VWC2: variants seen among roughly 807,000 people sequenced by gnomAD.
VWC2 encodes the protein brorin.
A neutral mutation model predicts 29.8 loss-of-function variants in VWC2; 14 were observed. The ratio of observed to expected loss-of-function variants is 0.47; its 90% CI spans 0.31 to 0.74. VWC2 has a LOEUF of 0.74. Among genes scored for constraint, VWC2 ranks in the 30% least tolerant of loss-of-function variants. The pLI is 0.05. For synonymous variants in VWC2, 213 were observed against 199.0 expected (o/e 1.07, Z -0.59); for missense variants, 457 against 459.8 (o/e 0.99, Z 0.05).
Position 49,775,622 on chromosome 7 carries a change from G to C in VWC2, c.187G>C (p.Gly63Arg), listed in dbSNP as rs911477728. 9.8e-6 allele frequency: 15 copies of C among 1,530,402 alleles called. No individual in the cohort carries two copies. The highest frequency in any genetic ancestry group is 4.2e-4 in the Middle Eastern group (2 of 4,756). The allele number at this position is 1,530,402 out of a possible 1,614,324, so 94.8% of individuals were successfully genotyped here. Residue 63 changes from glycine to arginine, a missense_variant, in exon 2 of 4, where the codon GGG (glycine) becomes CGG (arginine). Physicochemically the swap from Gly to Arg is moderately radical, Grantham distance 125 (BLOSUM62 -2). This residue lies in a region of VWC2 where 272 missense variants were observed against 202.7 expected (regional missense o/e 1.34). Transcript: ENST00000340652. ...CGGCCCGGGGCGGGTGAACGAGCTCGGGCGCCCGGCGAGGGACGAGGGCGG... is the reference window on the plus strand; with the variant it reads ...CGGCCCGGGGCGGGTGAACGAGCTCCGGCGCCCGGCGAGGGACGAGGGCGG... ...RDGPGRVNEL[G>R]RPARDEGGSG...
chr7:49,798,272 C>A (rs1334744490), intron 2 of VWC2, among the ~76,000 whole-genome samples: 1 of 152,232 alleles, frequency 6.6e-6, no homozygotes, highest in African/African-American at 2.4e-5. Context: ...AAATCTTTCA[C>A]CTCACTCCTA....
intron 3 of VWC2, among the ~76,000 whole-genome samples, chr7:49,877,003 G>A (rs553675831): frequency 6.6e-6 from 1 of 152,218 alleles, no homozygotes; most frequent in East Asian, 1.9e-4. Flanking sequence ...CCTTAGGACA[G>A]TCTTGGGGTG....
intron 3 of VWC2, among the ~76,000 whole-genome samples, chr7:49,818,834 T>C (rs1789205867): frequency 6.8e-6 from 1 of 146,396 alleles, no homozygotes; most frequent in Admixed American, 6.8e-5. Context: ...ATATATATAT[T>C]CAATATATAT....
intron 3 of VWC2, among the ~76,000 whole-genome samples, chr7:49,818,514 A>G (rs1270241907): frequency 6.6e-6 from 1 of 152,060 alleles, no homozygotes; most frequent in African/African-American, 2.4e-5. Flanking sequence ...TTCCTTGAAG[A>G]CCCTTGAGAG....
intron 3 of VWC2, among the ~76,000 whole-genome samples, chr7:49,879,030 C>T (rs1791562641): frequency 6.6e-6 from 1 of 152,140 alleles, no homozygotes; most frequent in Non-Finnish European, 1.5e-5. Flanking sequence ...AAATTTTTGT[C>T]TCTTTGTGCT....
chr7:49,878,258 A>C (rs1162697572), intron 3 of VWC2, among the ~76,000 whole-genome samples: 1 of 152,100 alleles, frequency 6.6e-6, no homozygotes, highest in African/African-American at 2.4e-5. Context: ...ATATGTTAAT[A>C]TTGTGGTTTT....
chr7:49,920,014 T>C lies in VWC2; in HGVS notation c.*7829T>C, dbSNP rs1562776248. 6.6e-6 allele frequency: 1 copy of C among 152,152 alleles called. No individual in the cohort carries two copies. Among genetic ancestry groups the C allele is most frequent in the South Asian group, 2.1e-4 (1 of 4,824 alleles). The allele number at this position is 152,152 out of a possible 1,614,324, so 9.4% of individuals were successfully genotyped here. ...TCTATTGAAGCCAAGAAAGTAAATG[T>C]CTTTAAAATAAACATAATGGTGTTT... On this transcript the variant is annotated 3_prime_UTR_variant, in exon 4 of 4. Coordinates refer to ENST00000340652, the MANE Select transcript of VWC2 (RefSeq NM_198570.5).
intron 3 of VWC2, among the ~76,000 whole-genome samples, chr7:49,895,208 G>C (rs973437091): frequency 2.0e-5 from 3 of 152,168 alleles, no homozygotes; most frequent in African/African-American, 7.2e-5. Flanking sequence ...ACAGTGGGCA[G>C]GGGAGGGATG....
intron 3 of VWC2, among the ~76,000 whole-genome samples, chr7:49,837,282 T>C (rs774718781): frequency 6.6e-6 from 1 of 152,238 alleles, no homozygotes; most frequent in Non-Finnish European, 1.5e-5. Context: ...GCTTGAGGAA[T>C]AGAACTTAAT....
chr7:49,834,220 T>A (rs564300883), intron 3 of VWC2, among the ~76,000 whole-genome samples: 26 of 152,308 alleles, frequency 1.7e-4, no homozygotes, highest in African/African-American at 6.0e-4. Flanking sequence ...GTGGGTTATG[T>A]GGGCCTTGAG....
Position 49,917,563 on chromosome 7 carries a change from G to A in VWC2, c.*5378G>A, listed in dbSNP as rs190982881. On this transcript the variant is annotated 3_prime_UTR_variant, in exon 4 of 4. Transcript: ENST00000340652. Reference sequence around the variant, plus strand: ...CACAGAATTATCAAAAGCAATCAAAGTATGTACCTAAAGTCAATTTAGTAT... The same window carrying A: ...CACAGAATTATCAAAAGCAATCAAAATATGTACCTAAAGTCAATTTAGTAT... 1 of 152,264 alleles carries A rather than the reference G, an allele frequency of 6.6e-6. No homozygotes were observed. Among genetic ancestry groups the A allele is most frequent in the African/African-American group, 2.4e-5 (1 of 41,564 alleles). The allele number at this position is 152,264 out of a possible 1,614,324, so 9.4% of individuals were successfully genotyped here.
chr7:49,797,210 T>A (rs913352628), intron 2 of VWC2, among the ~76,000 whole-genome samples: 1 of 152,172 alleles, frequency 6.6e-6, no homozygotes, highest in African/African-American at 2.4e-5. Flanking sequence ...TCTGAGTAGT[T>A]GTAGTTGAGA....
At chr7:49,868,968 A>G (rs886263344) in intron 3 of VWC2, among the ~76,000 whole-genome samples, 1 of 152,238 alleles carries the variant, frequency 6.6e-6, no homozygotes, top group Non-Finnish European at 1.5e-5. Context: ...CTTGTGTCAA[A>G]TATATGTACA....
chr7:49,820,661 T>C (rs1467258302), intron 3 of VWC2, among the ~76,000 whole-genome samples: 1 of 152,198 alleles, frequency 6.6e-6, no homozygotes, highest in East Asian at 1.9e-4. Context: ...GTCTAAAGAA[T>C]GTAAATATGG....
intron 3 of VWC2, among the ~76,000 whole-genome samples, chr7:49,902,675 A>G (rs1531869): frequency 0.77 from 116,040 of 151,682 alleles, 44,570 homozygotes; most frequent in East Asian, 0.88. Context: ...AATAACAAGA[A>G]AAAAACTTTA....
chr7:49,816,913 A>C (rs1789159346), intron 3 of VWC2, among the ~76,000 whole-genome samples: 1 of 152,208 alleles, frequency 6.6e-6, no homozygotes, highest in South Asian at 2.1e-4. Context: ...TAATATGAGG[A>C]TTAAGGAAGT....
At chr7:49,897,250 A>G (rs142707342) in intron 3 of VWC2, among the ~76,000 whole-genome samples, 66 of 152,348 alleles carry the variant, frequency 4.3e-4, no homozygotes, top group African/African-American at 1.4e-3. Context: ...CATTGAAAGA[A>G]GAATTAATTA....
At chr7:49,802,616 C>G (rs1010105818) in intron 2 of VWC2, 95 bp from the exon 3 acceptor site, 9 of 1,518,234 alleles carry the variant, frequency 5.9e-6, no homozygotes, top group African/African-American at 1.4e-5. Flanking sequence ...CCAGTGTGAG[C>G]GACAGAGCGA....
At chr7:49,863,089 G>T (rs1211045362) in intron 3 of VWC2, among the ~76,000 whole-genome samples, 2 of 152,098 alleles carry the variant, frequency 1.3e-5, no homozygotes, top group Non-Finnish European at 2.9e-5. Context: ...GAAACCATCT[G>T]GTCCTGAACT....
Sources: allele counts gnomAD v4.1 joint callset (sites outside exome capture counted in the v4.1 genomes callset), GRCh38; gene constraint gnomAD v4.1.1; regional missense constraint gnomAD v4.1.1; transcripts MANE v1.5; gene names NCBI Gene and HGNC (gene_info 2026-07-23, HGNC 2026-07-21).